DNAH11: variants seen among roughly 807,000 people sequenced by gnomAD.
DNAH11 encodes dynein axonemal heavy chain 11.
DNAH11 carries 442 observed loss-of-function variants against 526.0 expected under a neutral mutation model. That is an observed-to-expected ratio of 0.84 (90% confidence interval 0.78 to 0.91). The LOEUF is 0.91. DNAH11 is among the 40% of genes least tolerant of loss of function. DNAH11 has a pLI of 0.00. For missense variants in DNAH11, 6,989 were observed against 5,448.7 expected (o/e 1.28, Z -8.90); for synonymous variants, 2,461 against 1,935.9 (o/e 1.27, Z -7.12).
Position 21,704,461 on chromosome 7 carries a change from A to G in DNAH11, c.6301A>G (p.Asn2101Asp). The G allele has an allele frequency of 6.2e-7, 1 of 1,613,640 alleles. No homozygotes were observed. Among genetic ancestry groups the G allele is most frequent in the Non-Finnish European group, 8.5e-7 (1 of 1,179,748 alleles). Residue 2101 changes from asparagine to aspartate, a missense_variant, in exon 38 of 82, where the codon AAT becomes GAT. By Grantham distance (23) the Asn-to-Asp change is conservative. Transcript: ENST00000409508. ...ACTCATGAGAGCATTAAGGGATTTC[A>G]ATATGCCCAAAATAGTGACTGACGA... The part of the protein sequence containing the change: ...QVLMRALRDF[N>D]MPKIVTDDIP...
intron 14 of DNAH11, among the ~76,000 whole-genome samples, chr7:21,598,539 T>G (rs1224915272): frequency 6.6e-6 from 1 of 152,088 alleles, no homozygotes; most frequent in Non-Finnish European, 1.5e-5. Flanking sequence ...TCCAGTGTTT[T>G]CTAAACTGGG....
At chr7:21,618,569 T>C (rs1356882933) in intron 23 of DNAH11, 1 of 160,048 alleles carries the variant, frequency 6.2e-6, no homozygotes, top group African/African-American at 2.4e-5. Flanking sequence ...CAAGACAATG[T>C]GGAAATGAGA....
At chr7:21,850,608 C>CTTTTTTTTT (rs3062635) in intron 66 of DNAH11, among the ~76,000 whole-genome samples, 90 of 62,626 alleles carry the variant, frequency 1.4e-3, no homozygotes, top group Admixed American at 1.6e-3. Context: ...CTGTCTTCTT[C>CTTTTTTTTT]TTTTTTTTTT....
intron 65 of DNAH11, among the ~76,000 whole-genome samples, chr7:21,840,255 C>T (rs1583759018): frequency 6.6e-6 from 1 of 152,278 alleles, no homozygotes; most frequent in Non-Finnish European, 1.5e-5. Flanking sequence ...TTAGAATTTT[C>T]CCAGTTGTTC....
intron 10 of DNAH11, 72 bp downstream of exon 10, chr7:21,588,273 A>G (rs904298876): frequency 5.3e-6 from 8 of 1,505,608 alleles, no homozygotes; most frequent in Middle Eastern, 1.9e-4. Flanking sequence ...CTAGAACTCT[A>G]TGTGATTATA....
rs746624460 is a variant in DNAH11, at chr7:21,765,632, A to G, written c.9102+43A>G. On this transcript the variant is annotated intron_variant, in intron 55 of 81. Transcript: ENST00000409508. ...GCGTCACACACACACACACACACAC[A>G]CACACACACACACACACACACACAC... 21 of 1,392,036 alleles carry G rather than the reference A, an allele frequency of 1.5e-5. No homozygotes were observed. In the African/African-American group the frequency reaches 2.0e-4, roughly 14 times the overall value. 86.2% of individuals were successfully genotyped at this position (1,392,036 alleles called of 1,614,324 possible).
At chr7:21,808,890 A>G (rs894271132) in intron 63 of DNAH11, among the ~76,000 whole-genome samples, 29 of 152,136 alleles carry the variant, frequency 1.9e-4, no homozygotes, top group African/African-American at 6.8e-4. Context: ...TTTCTTTTGG[A>G]TATATGCTCA....
chr7:21,868,287 T>G (rs1452981442), intron 72 of DNAH11, among the ~76,000 whole-genome samples: 1 of 152,054 alleles, frequency 6.6e-6, no homozygotes, highest in Admixed American at 6.5e-5. Context: ...CACATGCTCA[T>G]GTAATCTTGT....
chr7:21,620,404 T>G (rs982428337), intron 25 of DNAH11, among the ~76,000 whole-genome samples: 9 of 151,984 alleles, frequency 5.9e-5, no homozygotes, highest in South Asian at 2.1e-4. Context: ...CCGGCTCTGG[T>G]AACCATCATT....
At chr7:21,581,183 C>A (rs79447304) in intron 8 of DNAH11, among the ~76,000 whole-genome samples, 3,026 of 152,236 alleles carry the variant, frequency 0.02, 42 homozygotes, top group Non-Finnish European at 0.031. Context: ...GGCCTTTTGA[C>A]TATGAAGCAC....
At position 21,770,200 on chromosome 7, in the gene DNAH11, G is replaced by A. The variant is rs543736246; in HGVS notation, c.9103-3566G>A. On this transcript the variant is annotated intron_variant, in intron 55 of 81. Coordinates refer to ENST00000409508, the MANE Select transcript of DNAH11 (RefSeq NM_001277115.2). Reference sequence around the variant, plus strand: ...ATACTTGGTACCAGAAATATTTTGGGTTTCAGATTTTTTTTTGATTTTGGA... The same window carrying A: ...ATACTTGGTACCAGAAATATTTTGGATTTCAGATTTTTTTTTGATTTTGGA... 3.3e-5 allele frequency among the ~76,000 whole-genome samples: 5 copies of A among 152,166 alleles called. No homozygotes were observed. In the South Asian group the frequency reaches 1.0e-3, roughly 32 times the overall value.
chr7:21,661,812 A>C (rs1282875021), intron 30 of DNAH11, among the ~76,000 whole-genome samples: 1 of 152,014 alleles, frequency 6.6e-6, no homozygotes, highest in African/African-American at 2.4e-5. Context: ...CTTAGTTAGT[A>C]TATGGAAAAT....
At chr7:21,732,440 G>T (rs1372838818) in intron 45 of DNAH11, among the ~76,000 whole-genome samples, 1 of 152,096 alleles carries the variant, frequency 6.6e-6, no homozygotes, top group Admixed American at 6.5e-5. Flanking sequence ...CGGGGTTAGG[G>T]CTTCACGACA....
chr7:21,840,690 AT>A lies in DNAH11; in HGVS notation c.10692-1853del, dbSNP rs559152862. ...TGTATGAAAACATCTCATGTACCCC[AT>A]AAATACATATGATTACTACGTACCC... On this transcript the variant is annotated intron_variant, in intron 65 of 81. Transcript: ENST00000409508. Among the ~76,000 whole-genome samples the A allele has an allele frequency of 1.6e-4, 24 of 152,318 alleles. 1 individual carries two copies. The highest frequency in any genetic ancestry group is 9.2e-4 in the Admixed American group (14 of 15,290).
intron 8 of DNAH11, among the ~76,000 whole-genome samples, chr7:21,575,098 A>T (rs1784038040): frequency 6.6e-6 from 1 of 151,690 alleles, no homozygotes; most frequent in Non-Finnish European, 1.5e-5. Context: ...GCTGGTCTTA[A>T]ACTCCTGGCC....
chr7:21,619,892 TA>T, intron 24 of DNAH11, 63 bp from the exon 25 acceptor site: 1 of 1,455,782 alleles, frequency 6.9e-7, no homozygotes, highest in Non-Finnish European at 9.3e-7. Flanking sequence ...TAATTCCAGA[TA>T]ATAGTCTACA....
intron 56 of DNAH11, among the ~76,000 whole-genome samples, chr7:21,777,723 A>G (rs986417463): frequency 6.6e-6 from 1 of 152,212 alleles, no homozygotes; most frequent in African/African-American, 2.4e-5. Flanking sequence ...ACTGAGAAGC[A>G]TGTCACTATG....
At chr7:21,674,042 G>C (rs1432146942) in intron 30 of DNAH11, among the ~76,000 whole-genome samples, 1 of 151,282 alleles carries the variant, frequency 6.6e-6, no homozygotes, top group African/African-American at 2.4e-5. Flanking sequence ...GTGTGTGTGT[G>C]TGTGTGTGTG....
chr7:21,780,910 C>T lies in DNAH11; in HGVS notation c.9483+1806C>T, dbSNP rs1006380436. Among the ~76,000 whole-genome samples, 3 of 152,238 alleles carry T rather than the reference C, an allele frequency of 2.0e-5. No homozygotes were observed. The South Asian group carries it at 6.2e-4, about 32-fold the overall frequency. ...TGCAGTGGAAAAGACCGACATGAGA[C>T]AAGTAACACATTGAGAAGCTGGATA... On this transcript the variant is annotated intron_variant, in intron 57 of 81. Coordinates refer to ENST00000409508, the MANE Select transcript of DNAH11 (RefSeq NM_001277115.2).
Sources: allele counts gnomAD v4.1 joint callset (sites outside exome capture counted in the v4.1 genomes callset), GRCh38; gene constraint gnomAD v4.1.1; transcripts MANE v1.5; gene names NCBI Gene and HGNC (gene_info 2026-07-23, HGNC 2026-07-21).